Variants in ARHGEF4 observed in about 807,000 individuals in gnomAD.
ARHGEF4 encodes Rho guanine nucleotide exchange factor 4, also known as APC-stimulated guanine nucleotide exchange factor 1.
ARHGEF4 carries 119 observed loss-of-function variants against 162.0 expected under a neutral mutation model. That is an observed-to-expected ratio of 0.73 (90% CI 0.63 to 0.86). The LOEUF is 0.86. Ranked by LOEUF, ARHGEF4 falls within the 40% of genes least tolerant of loss-of-function variation. The pLI is 0.00. For synonymous variants in ARHGEF4, 1,014 were observed against 979.9 expected, an observed-to-expected ratio of 1.03 and a Z score of -0.65; for missense variants, 2,488 against 2,456.0, an observed-to-expected ratio of 1.01 and a Z score of -0.28.
intron 4 of ARHGEF4, among the ~76,000 whole-genome samples, chr2:130,981,908 T>C (rs1004635323): frequency 2.6e-5 from 4 of 152,214 alleles, no homozygotes; most frequent in African/African-American, 9.7e-5. Context: ...GCACTATCCA[T>C]GCAAAACAAC....
At chr2:130,933,013 C>T (rs1333286758) in intron 3 of ARHGEF4, among the ~76,000 whole-genome samples, 1 of 152,008 alleles carries the variant, frequency 6.6e-6, no homozygotes, top group Admixed American at 6.5e-5. Flanking sequence ...GCCAGAAGTT[C>T]GACGTCAGCC....
chr2:130,855,240 A>G lies in ARHGEF4; in HGVS notation c.39+18248A>G, dbSNP rs116796902. ...ATGCCTTAAGGGTACTGCCAAAAAC[A>G]GTGCAGCTCTTAGTGGGGAGCAACT... is the stretch of plus-strand genomic sequence containing the variant. On this transcript the variant is annotated intron_variant, in intron 1 of 13. Coordinates refer to ENST00000409359, the MANE Select transcript of ARHGEF4 (RefSeq NM_001367493.1). Among the ~76,000 whole-genome samples, 839 of 152,182 alleles carry G rather than the reference A, an allele frequency of 5.5e-3. 6 individuals carry two copies. The highest frequency in any genetic ancestry group is 0.018 in the African/African-American group (743 of 41,518).
chr2:131,035,170 C>T (rs1573679242), intron 5 of ARHGEF4: 13 of 1,217,658 alleles, frequency 1.1e-5, no homozygotes, highest in Non-Finnish European at 1.2e-5. Context: ...CTGCAACCTG[C>T]CCCCCGGCGC....
In ARHGEF4 at chr2:131,043,595, G is replaced by A. The variant is rs894162493; in HGVS notation, c.5157+12G>A. The A allele has an allele frequency of 1.9e-6, 3 of 1,613,596 alleles. No homozygotes were observed. The highest frequency in any genetic ancestry group is 1.7e-5 in the Admixed American group (1 of 59,992). ...TCTACTGTAAGAAGGTACCAGAGCT[G>A]CTCTGCCCTGCTGCCCCAAGTTGAG... On this transcript the variant is annotated intron_variant, in intron 11 of 13. Coordinates refer to ENST00000409359, the MANE Select transcript of ARHGEF4 (RefSeq NM_001367493.1).
chr2:131,039,765 G>C (rs1222790259), intron 6 of ARHGEF4: 5 of 1,375,962 alleles, frequency 3.6e-6, no homozygotes, highest in Non-Finnish European at 4.7e-6. Context: ...CCGGGCACAA[G>C]CAGGGTCTAG....
intron 2 of ARHGEF4, among the ~76,000 whole-genome samples, chr2:130,924,751 A>G (rs1386525335): frequency 6.6e-6 from 1 of 152,182 alleles, no homozygotes; most frequent in Non-Finnish European, 1.5e-5. Flanking sequence ...AGAGCAGGAC[A>G]GAAATAGCTG....
Position 131,046,393 on chromosome 2 carries a change from G to T in ARHGEF4, c.*204G>T, listed in dbSNP as rs1217065211. 2 of 601,194 alleles carry T rather than the reference G, an allele frequency of 3.3e-6. No homozygotes were observed. The highest frequency in any genetic ancestry group is 5.8e-6 in the Non-Finnish European group (2 of 346,572). The allele number at this position is 601,194 out of a possible 1,614,324, so 37.2% of individuals were successfully genotyped here. A position where few individuals can be genotyped will look rare whatever the true frequency, so the allele number is the denominator to read the frequency against. ...CCTGGTGCCCTGAAGAGACCAGCAA[G>T]GGGGCAGACCCCGCACTCGCCACAC... On this transcript the variant is annotated 3_prime_UTR_variant, in exon 14 of 14. Transcript: ENST00000409359.
intron 4 of ARHGEF4, among the ~76,000 whole-genome samples, chr2:130,985,070 T>G (rs1686392916): frequency 6.6e-6 from 1 of 152,038 alleles, no homozygotes; most frequent in African/African-American, 2.4e-5. Context: ...CCTTTAAAAT[T>G]TTCCCAAACT....
chr2:130,974,263 T>A, intron 4 of ARHGEF4, among the ~76,000 whole-genome samples: 1 of 150,252 alleles, frequency 6.7e-6, no homozygotes, highest in African/African-American at 2.5e-5. Flanking sequence ...CAGAGTGAGA[T>A]CTTGTCTGGA....
At chr2:131,014,853 G>A (rs1688677432) in intron 4 of ARHGEF4, among the ~76,000 whole-genome samples, 1 of 152,116 alleles carries the variant, frequency 6.6e-6, no homozygotes, top group African/African-American at 2.4e-5. Context: ...AGGGAGAGTA[G>A]GGGCAGCAAG....
At position 131,040,349 on chromosome 2, in the gene ARHGEF4, G is replaced by A; in HGVS notation, c.4571G>A (p.Arg1524His). The A allele has an allele frequency of 2.5e-6, 4 of 1,612,020 alleles. No individual in the cohort carries two copies. The South Asian group carries it at 4.4e-5, about 18-fold the overall frequency. The change falls in exon 8 of 14, where the codon CGC becomes CAC. Residue 1524 changes from arginine to histidine, a missense_variant. By Grantham distance (29) the Arg-to-His change is conservative (BLOSUM62 0). Transcript: ENST00000409359. ...TTCGGGAACATCGAGGACATCTACC[G>A]CTGCCAGAAGGCCTTCGTGAAGGCC... is the stretch of plus-strand genomic sequence containing the variant. ...TIFGNIEDIY[R>H]CQKAFVKALE...
chr2:130,867,899 G>A (rs1258661297), intron 1 of ARHGEF4, among the ~76,000 whole-genome samples: 1 of 151,894 alleles, frequency 6.6e-6, no homozygotes, highest in Non-Finnish European at 1.5e-5. Context: ...GCGTGTGGTG[G>A]GAGCAAGGTG....
In ARHGEF4 at chr2:131,044,289, C is replaced by T; in HGVS notation, c.5158-10C>T. The T allele has an allele frequency of 6.2e-7, 1 of 1,610,432 alleles. No individual in the cohort carries two copies. On this transcript the variant is annotated splice_polypyrimidine_tract_variant and intron_variant, in intron 11 of 13. Transcript: ENST00000409359. Reference sequence around the variant, plus strand: ...GTTCAGCAGCCAGGGCTGAGGCCAGCATCTGGCAGGACCTGCTCCGCCGCG... The same window carrying T: ...GTTCAGCAGCCAGGGCTGAGGCCAGTATCTGGCAGGACCTGCTCCGCCGCG...
intron 4 of ARHGEF4, among the ~76,000 whole-genome samples, chr2:131,015,032 C>T (rs1688688362): frequency 2.0e-5 from 3 of 152,126 alleles, no homozygotes; most frequent in Admixed American, 6.5e-5. Context: ...TAGATCTGTG[C>T]GGCGCACCTA....
At chr2:131,004,611 C>T (rs529741811) in intron 4 of ARHGEF4, among the ~76,000 whole-genome samples, 119 of 152,222 alleles carry the variant, frequency 7.8e-4, no homozygotes, top group Non-Finnish European at 1.3e-3. Context: ...AGCCCGGCCT[C>T]GATGGTCCTT....
At chr2:130,845,447 C>T (rs1680895185) in intron 1 of ARHGEF4, among the ~76,000 whole-genome samples, 1 of 152,102 alleles carries the variant, frequency 6.6e-6, no homozygotes, top group Admixed American at 6.5e-5. Flanking sequence ...TACAGGCACC[C>T]GCCACCACAC....
chr2:130,929,533 C>A (rs1045473427), intron 2 of ARHGEF4, among the ~76,000 whole-genome samples: 2 of 152,088 alleles, frequency 1.3e-5, no homozygotes, highest in Non-Finnish European at 2.9e-5. Context: ...AGAATAAGGA[C>A]CCCCTACAAT....
chr2:131,046,265 G>A lies in ARHGEF4; in HGVS notation c.*76G>A, dbSNP rs540527391. 1.8e-5 allele frequency: 27 copies of A among 1,460,248 alleles called. No individual in the cohort carries two copies. In the East Asian group the frequency reaches 2.2e-4, roughly 12 times the overall value. The allele number at this position is 1,460,248 out of a possible 1,614,324, so 90.5% of individuals were successfully genotyped here. A position where few individuals can be genotyped will look rare whatever the true frequency, so the allele number is the denominator to read the frequency against. ...AGTTTTTCTTCCCCGAGGCCCACTC[G>A]GCCTGGCCTTCCTCTGCCTGCAAGT... is the stretch of plus-strand genomic sequence containing the variant. On this transcript the variant is annotated 3_prime_UTR_variant, in exon 14 of 14. Transcript: ENST00000409359.
chr2:130,939,041 C>G (rs1466780749), intron 3 of ARHGEF4, among the ~76,000 whole-genome samples: 1 of 152,082 alleles, frequency 6.6e-6, no homozygotes, highest in Admixed American at 6.6e-5. Flanking sequence ...GTTTTTCAGT[C>G]CTCACCCTCC....
Sources: gnomAD v4.1 joint callset for allele counts (sites outside exome capture counted in the v4.1 genomes callset) on GRCh38, gnomAD v4.1.1 for gene constraint, MANE v1.5 for transcripts, NCBI Gene and HGNC (gene_info 2026-07-23, HGNC 2026-07-21) for gene names.